Variants in QTMAN observed in about 807,000 individuals in gnomAD.
QTMAN encodes tRNA-queuosine alpha-mannosyltransferase.
At chr2:144,106,238 C>T in the QTMAN span, among the ~76,000 whole-genome samples, 2 of 152,188 alleles carry the variant, frequency 1.3e-5, no homozygotes, top group African/African-American at 4.8e-5. Flanking sequence ...ATGACAGGAT[C>T]AAATTCACAC....
chr2:144,239,233 C>G, the QTMAN span, among the ~76,000 whole-genome samples: 1 of 151,550 alleles, frequency 6.6e-6, no homozygotes, highest in Non-Finnish European at 1.5e-5. Flanking sequence ...AAACGTATTT[C>G]ATTATTTTCA....
the QTMAN span, among the ~76,000 whole-genome samples, chr2:144,014,905 T>A: frequency 3.3e-5 from 5 of 152,214 alleles, no homozygotes; most frequent in Non-Finnish European, 7.4e-5. Flanking sequence ...TACCATTTGC[T>A]TATATGGCCT....
chr2:144,189,511 C>T, the QTMAN span, among the ~76,000 whole-genome samples: 1 of 152,218 alleles, frequency 6.6e-6, no homozygotes, highest in African/African-American at 2.4e-5. Flanking sequence ...AAATAAGCAG[C>T]ACCATACTTC....
At chr2:144,112,708 C>A in the QTMAN span, among the ~76,000 whole-genome samples, 1 of 152,222 alleles carries the variant, frequency 6.6e-6, no homozygotes, top group African/African-American at 2.4e-5. Context: ...CCACCCCCAC[C>A]AGTGCCAAAG....
At chr2:144,046,120 T>A in the QTMAN span, among the ~76,000 whole-genome samples, 11 of 152,170 alleles carry the variant, frequency 7.2e-5, no homozygotes, top group Non-Finnish European at 1.3e-4. Flanking sequence ...TCAGGCTCTC[T>A]GCAGGAACAT....
chr2:144,212,016 T>C, the QTMAN span, among the ~76,000 whole-genome samples: 1 of 152,334 alleles, frequency 6.6e-6, no homozygotes, highest in Admixed American at 6.5e-5. Flanking sequence ...GGACAGGGTT[T>C]CCTTTGTAGA....
the QTMAN span, among the ~76,000 whole-genome samples, chr2:144,003,177 C>T: frequency 6.6e-6 from 1 of 151,800 alleles, no homozygotes; most frequent in Non-Finnish European, 1.5e-5. Flanking sequence ...ATAATCCCAA[C>T]AAACAAGAGC....
the QTMAN span, among the ~76,000 whole-genome samples, chr2:144,225,008 G>A: frequency 6.6e-6 from 1 of 152,116 alleles, no homozygotes; most frequent in Non-Finnish European, 1.5e-5. Context: ...ACAGAGTTGA[G>A]GAAATGTGGC....
the QTMAN span, among the ~76,000 whole-genome samples, chr2:144,187,744 G>C: frequency 1.3e-5 from 2 of 152,088 alleles, no homozygotes; most frequent in Non-Finnish European, 2.9e-5. Flanking sequence ...CTGAATTCTG[G>C]GATGATGATG....
At chr2:144,287,394 G>A in the QTMAN span, among the ~76,000 whole-genome samples, 60 of 150,332 alleles carry the variant, frequency 4.0e-4, no homozygotes, top group Middle Eastern at 0.011. Flanking sequence ...AGCCAAGATC[G>A]CGCCACTGCA....
chr2:144,030,462 G>T, the QTMAN span, among the ~76,000 whole-genome samples: 1 of 152,002 alleles, frequency 6.6e-6, no homozygotes, highest in African/African-American at 2.4e-5. Context: ...ATGTCCCTTT[G>T]TTTTTTCTTC....
the QTMAN span, among the ~76,000 whole-genome samples, chr2:143,963,267 A>C: frequency 1.6e-4 from 24 of 152,150 alleles, no homozygotes; most frequent in Non-Finnish European, 3.2e-4. Flanking sequence ...TACTTATAAT[A>C]ATGTGTTGAT....
At chr2:144,188,419 CTT>C in the QTMAN span, among the ~76,000 whole-genome samples, 10 of 152,202 alleles carry the variant, frequency 6.6e-5, no homozygotes, top group South Asian at 2.1e-3. Context: ...ATATCAGTTT[CTT>C]TTCCTAAAAA....
At chr2:144,232,811 C>T in the QTMAN span, among the ~76,000 whole-genome samples, 22 of 152,252 alleles carry the variant, frequency 1.4e-4, no homozygotes, top group African/African-American at 5.1e-4. Flanking sequence ...AATGCTTGCT[C>T]ATAGTGAAAA....
the QTMAN span, among the ~76,000 whole-genome samples, chr2:144,282,674 C>G: frequency 1.3e-5 from 2 of 151,938 alleles, no homozygotes; most frequent in Non-Finnish European, 1.5e-5. Context: ...TGGTCTCTGT[C>G]CCTGGTTCCT....
chr2:144,099,995 C>T, the QTMAN span, among the ~76,000 whole-genome samples: 1 of 152,198 alleles, frequency 6.6e-6, no homozygotes, highest in Non-Finnish European at 1.5e-5. Flanking sequence ...TAGTCTGTCT[C>T]ACTCTTAACG....
At chr2:144,193,635 C>T in the QTMAN span, among the ~76,000 whole-genome samples, 7 of 151,870 alleles carry the variant, frequency 4.6e-5, no homozygotes, top group Non-Finnish European at 7.4e-5. Context: ...ATCGTCCCAC[C>T]ACAGCCTCCC....
chr2:143,944,046 G>A, the QTMAN span: 2 of 151,920 alleles, frequency 1.3e-5, no homozygotes, highest in East Asian at 1.9e-4. Context: ...TAAAAAAAAA[G>A]AGGAAGACTA....
At chr2:144,251,177 A>G in the QTMAN span, among the ~76,000 whole-genome samples, 1 of 152,106 alleles carries the variant, frequency 6.6e-6, no homozygotes, top group African/African-American at 2.4e-5. Context: ...ATTACAAATA[A>G]TGTATTTTTT....
Sources: allele counts gnomAD v4.1 joint callset (sites outside exome capture counted in the v4.1 genomes callset), GRCh38; gene constraint gnomAD v4.1.1; transcripts MANE v1.5; gene names NCBI Gene and HGNC (gene_info 2026-07-23, HGNC 2026-07-21).